The following ARL13A variants were observed in gnomAD, a reference collection of about 807,000 sequenced individuals.
ARL13A encodes ADP-ribosylation factor-like protein 13A.
ARL13A carries 16 observed loss-of-function variants against 19.1 expected under a neutral mutation model. The ratio of observed to expected loss-of-function variants is 0.84; its 90% confidence interval spans 0.57 to 1.27. The LOEUF (loss-of-function observed/expected upper bound fraction) is 1.27. Among genes scored for constraint, ARL13A ranks in the 50% most tolerant of loss-of-function variants. The pLI, the probability that ARL13A is intolerant of heterozygous loss-of-function variation, is 0.00. For synonymous variants in ARL13A, 69 were observed against 71.3 expected, an observed-to-expected ratio of 0.97 and a Z score of 0.17; for missense variants, 153 against 186.4, an observed-to-expected ratio of 0.82 and a Z score of 1.04.
chrX:100,974,570 C>T (rs1463458418), intron 3 of ARL13A, among the ~76,000 whole-genome samples: 1 of 111,425 alleles, frequency 9.0e-6, no homozygotes, highest in African/African-American at 3.3e-5. Context: ...TGTCTAGTTT[C>T]AGGGCTCAAT....
At chrX:100,974,243 C>T in intron 3 of ARL13A, 46 bp downstream of exon 3, 1 of 967,365 alleles carries the variant, frequency 1.0e-6, no homozygotes, top group Non-Finnish European at 1.4e-6. Flanking sequence ...CTCCCATGGA[C>T]CCCAGAATCC....
At chrX:100,971,625 C>G (rs1253200019) in intron 1 of ARL13A, among the ~76,000 whole-genome samples, 1 of 85,439 alleles carries the variant, frequency 1.2e-5, no homozygotes, top group Admixed American at 1.2e-4. Context: ...TTAATAACCA[C>G]TTTTACACTG....
At chrX:100,975,499 A>AT (rs1178476311) in intron 3 of ARL13A, among the ~76,000 whole-genome samples, 1 of 110,713 alleles carries the variant, frequency 9.0e-6, no homozygotes, top group African/African-American at 3.3e-5. Context: ...GAAATAATGG[A>AT]TTTTTTCCTC....
intron 3 of ARL13A, among the ~76,000 whole-genome samples, chrX:100,984,983 A>G (rs1291381297): frequency 8.9e-6 from 1 of 112,570 alleles, no homozygotes; most frequent in Non-Finnish European, 1.9e-5. Flanking sequence ...TAAACCATAG[A>G]ATTTACAACA....
At chrX:100,986,239 C>G (rs1407968081) in intron 4 of ARL13A, among the ~76,000 whole-genome samples, 1 of 112,201 alleles carries the variant, frequency 8.9e-6, no homozygotes. Flanking sequence ...ATCATCTTTT[C>G]TGGTTTCGGT....
At chrX:100,986,768 T>C in intron 4 of ARL13A, 28 bp from the exon 5 acceptor site, 1 of 1,079,427 alleles carries the variant, frequency 9.3e-7, no homozygotes, top group Admixed American at 2.5e-5. Flanking sequence ...TTCCACTCTT[T>C]TCCTCCCTCT....
At chrX:100,975,615 G>A (rs1024298424) in intron 3 of ARL13A, among the ~76,000 whole-genome samples, 17 of 105,308 alleles carry the variant, frequency 1.6e-4, no homozygotes, top group Non-Finnish European at 2.1e-4. Context: ...GAGACAACAT[G>A]TTGCCATTTT....
chrX:100,972,352 C>T (rs199497576), intron 1 of ARL13A, among the ~76,000 whole-genome samples: 16 of 92,857 alleles, frequency 1.7e-4, no homozygotes, highest in Admixed American at 5.5e-4. Context: ...GCTGGCCGGG[C>T]GGGGGGCTGA....
In ARL13A at chrX:100,973,527, AT is replaced by A; in HGVS notation, c.-14-148del. ...GCGGCGGCTGCCTTCTATGACATTT[AT>A]AGACACAGTTGGATAGAATGAAGTA... On this transcript the variant is annotated intron_variant, in intron 1 of 7. Transcript: ENST00000450049. The A allele has an allele frequency of 8.4e-6, 8 of 955,720 alleles. No homozygotes were observed. The South Asian group carries it at 1.9e-4, about 22-fold the overall frequency. The allele number at this position is 955,720 out of a possible 1,213,427, so 78.8% of individuals were successfully genotyped here.
At chrX:100,970,953 C>A (rs761487549) in intron 1 of ARL13A, among the ~76,000 whole-genome samples, 1 of 112,048 alleles carries the variant, frequency 8.9e-6, no homozygotes, top group South Asian at 3.7e-4. Context: ...TATAACCCAG[C>A]AGTAATACTC....
rs751567902 is a variant in ARL13A at position 100,971,182 on chromosome X, C to A, written c.-15+1373C>A. Among the ~76,000 whole-genome samples the A allele has an allele frequency of 1.4e-3, 143 of 102,238 alleles. 1 individual carries two copies. Among genetic ancestry groups the A allele is most frequent in the African/African-American group, 4.8e-3 (134 of 27,705 alleles). The allele number at this position is 102,238 out of a possible 115,157, so 88.8% of individuals were successfully genotyped here. ...CTGGGAAGCTTATGCAGCTCCCTGG[C>A]AATCTTTGAGGATGGGATACCTGGA... On this transcript the variant is annotated intron_variant, in intron 1 of 7. Transcript: ENST00000450049.
intron 3 of ARL13A, among the ~76,000 whole-genome samples, chrX:100,975,912 G>A (rs2085755131): frequency 1.8e-5 from 2 of 110,850 alleles, no homozygotes; most frequent in Non-Finnish European, 1.9e-5. Flanking sequence ...GGAATTACAG[G>A]TGTGAGCCAC....
At position 100,985,660 on chromosome X, in the gene ARL13A, T is replaced by C. The variant is rs1367945574; in HGVS notation, c.131-7T>C. The C allele has an allele frequency of 8.3e-7, 1 of 1,201,636 alleles. No individual in the cohort carries two copies. Among genetic ancestry groups the C allele is most frequent in the Non-Finnish European group, 1.1e-6 (1 of 890,919 alleles). On this transcript the variant is annotated splice_region_variant and splice_polypyrimidine_tract_variant and intron_variant, in intron 3 of 7. Transcript: ENST00000450049. The stretch of plus-strand genomic sequence containing the variant: ...TGATTGCTTCTCCTCTTTTCCCCTA[T>C]GCACAGTACTTCCCAGTAAGACAGA...
At position 100,988,265 on chromosome X, in the gene ARL13A, TC is replaced by T; in HGVS notation, c.727del (p.Leu243Ter). 8.3e-7 allele frequency: 1 copy of T among 1,209,406 alleles called. No homozygotes were observed. Among genetic ancestry groups the T allele is most frequent in the Non-Finnish European group, 1.1e-6 (1 of 894,215 alleles). On this transcript the variant is annotated frameshift_variant, in exon 7 of 8. Coordinates refer to ENST00000450049, the MANE Select transcript of ARL13A (RefSeq NM_001162491.2). LOFTEE classifies it high-confidence loss of function. ...AACAATGCTCAATCGAAGCTAAGCC[TC>T]TAAAGTCAATCCTACAGGTAAATGG... ...LEQCSIEAKP[L>X]KSILQPSNQS...
chrX:100,973,389 G>A (rs1373465463), intron 1 of ARL13A, among the ~76,000 whole-genome samples: 1 of 101,141 alleles, frequency 9.9e-6, no homozygotes, highest in African/African-American at 3.6e-5. Context: ...CGGGCCCCGC[G>A]GGGCCCGTCC....
In ARL13A at chrX:100,985,699, T is replaced by A. The variant is rs2085925876; in HGVS notation, c.163T>A (p.Ser55Thr). 1 of 1,210,407 alleles carries A rather than the reference T, an allele frequency of 8.3e-7. No individual in the cohort carries two copies. Among genetic ancestry groups the A allele is most frequent in the African/African-American group, 1.7e-5 (1 of 57,588 alleles). ...LPSKTDHCMK[S>T]ELTTLLLDEY... ...CAGTAAGACAGACCATTGCATGAAA[T>A]CGGAACTGACTACACTTTTGTTAGA... Residue 55 changes from serine (S) to threonine (T), a missense_variant, in exon 4 of 8, where the codon TCG becomes ACG. Physicochemically the swap from Ser to Thr is moderately conservative, Grantham distance 58. Coordinates refer to ENST00000450049, the MANE Select transcript of ARL13A (RefSeq NM_001162491.2).
At chrX:100,973,493 G>A (rs867939780) in intron 1 of ARL13A, among the ~76,000 whole-genome samples, 183 bp from the exon 2 acceptor site, 8 of 110,469 alleles carry the variant, frequency 7.2e-5, no homozygotes, top group East Asian at 2.9e-4. Flanking sequence ...TCCTCCCGGC[G>A]GTCGGGCGGC....
At chrX:100,981,116 C>T (rs768390171) in intron 3 of ARL13A, among the ~76,000 whole-genome samples, 1 of 111,739 alleles carries the variant, frequency 8.9e-6, no homozygotes, top group Non-Finnish European at 1.9e-5. Context: ...TCCTTGGCTC[C>T]AAGCCCATCA....
At chrX:100,973,605 T>C (rs189648991) in intron 1 of ARL13A, 71 bp from the exon 2 acceptor site, 18 of 1,026,431 alleles carry the variant, frequency 1.8e-5, no homozygotes, top group South Asian at 4.0e-5. Flanking sequence ...TGTTTAGTCA[T>C]AAGCTGACTA....
Sources: allele counts gnomAD v4.1 joint callset (sites outside exome capture counted in the v4.1 genomes callset), GRCh38; gene constraint gnomAD v4.1.1; transcripts MANE v1.5; gene names NCBI Gene and HGNC (gene_info 2026-07-23, HGNC 2026-07-21).